The following ARMC5 variants were observed in gnomAD, a reference collection of about 807,000 sequenced individuals.
ARMC5 encodes the protein armadillo repeat containing 5, also known as armadillo repeat-containing protein 5.
In ARMC5, 28 loss-of-function variants were observed where a neutral mutation model predicts 60.5. The observed-to-expected ratio is 0.46, with a 90% CI of 0.34 to 0.63. The LOEUF (loss-of-function observed/expected upper bound fraction) is 0.63, where lower values mean the gene tolerates loss of function less well. Ranked by LOEUF, ARMC5 falls within the 30% of genes least tolerant of loss-of-function variation. The pLI, the probability that ARMC5 is intolerant of heterozygous loss-of-function variation, is 0.01. For synonymous variants in ARMC5, 680 were observed against 607.3 expected, an observed-to-expected ratio of 1.12 and a Z score of -1.76; for missense variants, 1,189 against 1,304.9, an observed-to-expected ratio of 0.91 and a Z score of 1.37.
Position 31,462,700 on chromosome 16 carries a change from G to A in ARMC5, c.1153G>A (p.Ala385Thr), listed in dbSNP as rs767757331. Residue 385 changes from alanine (A) to threonine (T), a missense_variant, in exon 3 of 6, where the codon GCA (alanine) becomes ACA (threonine). By Grantham distance (58) the Ala-to-Thr change is moderately conservative. Transcript: ENST00000268314. The surrounding 1 kb of genome is among the most constrained non-coding windows in gnomAD (Gnocchi z 7.2). Reference protein sequence around the residue: ...MGLLRDPRASAWHPRIVAALV... With the variant: ...MGLLRDPRASTWHPRIVAALV... ...CCTGCTGCGGGACCCTCGTGCAAGCGCATGGCACCCTCGTATTGTGGCTGC... is the reference window on the plus strand; with the variant it reads ...CCTGCTGCGGGACCCTCGTGCAAGCACATGGCACCCTCGTATTGTGGCTGC... 1.7e-5 allele frequency: 27 copies of A among 1,613,570 alleles called. No individual in the cohort carries two copies. Among genetic ancestry groups the A allele is most frequent in the South Asian group, 1.2e-4 (11 of 91,080 alleles).
At chr16:31,461,011 T>C (rs2082299419) in intron 1 of ARMC5, among the ~76,000 whole-genome samples, 1 of 152,294 alleles carries the variant, frequency 6.6e-6, no homozygotes, top group African/African-American at 2.4e-5. Context: ...ATCTGGACCA[T>C]ATATGTTTGA....
At chr16:31,458,432 C>T (rs554973761), upstream of ARMC5, 3 of 1,535,748 alleles carry the variant, frequency 2.0e-6, no homozygotes, top group East Asian at 2.4e-5. Context: ...GGCTTTTCAC[C>T]GGTGTGTACC....
At chr16:31,465,492 C>T (rs932851107) in intron 4 of ARMC5, 6 of 848,818 alleles carry the variant, frequency 7.1e-6, no homozygotes, top group South Asian at 2.7e-5. Context: ...AGAGTAATTA[C>T]TACAAACTAA....
At position 31,464,495 on chromosome 16, in the gene ARMC5, C is replaced by G. The variant is rs1290129921; in HGVS notation, c.1472C>G (p.Pro491Arg). 6.2e-7 allele frequency: 1 copy of G among 1,608,052 alleles called. No homozygotes were observed. Among genetic ancestry groups the G allele is most frequent in the East Asian group, 2.2e-5 (1 of 44,694 alleles). The change falls in exon 4 of 6, where the codon CCC becomes CGC. Residue 491 changes from proline (P) to arginine (R), a missense_variant. By Grantham distance (103) the Pro-to-Arg change is moderately radical. Coordinates refer to ENST00000268314, the MANE Select transcript of ARMC5 (RefSeq NM_001105247.2). This position sits in a 1 kb window ranked among gnomAD's most constrained non-coding sequence, Gnocchi z 7.6. ...CPPEPMEPAS[P>R]APTPTSLRAP... is the part of the protein sequence containing the mutation. ...CCGGAGCCCATGGAGCCGGCCAGCC[C>G]CGCCCCGACCCCGACCTCGCTGCGG...
upstream of ARMC5, chr16:31,458,726 G>A (rs1204928492): frequency 9.5e-6 from 14 of 1,470,006 alleles, 1 homozygote; most frequent in South Asian, 1.2e-4. Context: ...TCGCAATCCA[G>A]GGGTGACCTG....
upstream of ARMC5, chr16:31,458,831 G>A (rs982928693): frequency 3.9e-6 from 6 of 1,533,534 alleles, no homozygotes; most frequent in Non-Finnish European, 5.2e-6. Flanking sequence ...TGCGCTGCGA[G>A]TGAAGAACTC....
chr16:31,465,763 C>A, intron 4 of ARMC5, 87 bp from the exon 5 acceptor site: 1 of 1,579,270 alleles, frequency 6.3e-7, no homozygotes, highest in South Asian at 1.1e-5. Flanking sequence ...TTTCACCCTC[C>A]TTCATCTCAC....
At position 31,462,187 on chromosome 16, in the gene ARMC5, C is replaced by T; in HGVS notation, c.640C>T (p.Gln214Ter). ...AGCCTGCCAGGACTCGCAGTGCCTACAGAGCGTGGTGCGTGCCCTCCGTAA... is the reference window on the plus strand; with the variant it reads ...AGCCTGCCAGGACTCGCAGTGCCTATAGAGCGTGGTGCGTGCCCTCCGTAA... The part of the protein sequence containing the change: ...LTACQDSQCL[Q>*]SVVRALRNLA... Residue 214 changes from glutamine to a stop codon, truncating the protein, a stop_gained, in exon 3 of 6, where the codon CAG (glutamine) becomes TAG (stop). Coordinates refer to ENST00000268314, the MANE Select transcript of ARMC5 (RefSeq NM_001105247.2). LOFTEE classifies it high-confidence loss of function. This position sits in a 1 kb window ranked among gnomAD's most constrained non-coding sequence, Gnocchi z 7.2. The T allele has an allele frequency of 1.2e-6, 2 of 1,612,504 alleles. No individual in the cohort carries two copies. Among genetic ancestry groups the T allele is most frequent in the Non-Finnish European group, 1.7e-6 (2 of 1,180,022 alleles).
At position 31,464,905 on chromosome 16, in the gene ARMC5, C is replaced by G. The variant is rs370666948; in HGVS notation, c.1864+18C>G. 2 of 1,608,736 alleles carry G rather than the reference C, an allele frequency of 1.2e-6. No individual in the cohort carries two copies. The highest frequency in any genetic ancestry group is 2.7e-5 in the African/African-American group (2 of 74,908). ...AGAGCTGGGTGAGTTCCCATACCCA[C>G]CCGTCTCCTTGCCCCCATGTGAGTC... On this transcript the variant is annotated intron_variant, in intron 4 of 5. Transcript: ENST00000268314. This position sits in a 1 kb window ranked among gnomAD's most constrained non-coding sequence, Gnocchi z 7.6.
chr16:31,463,589 T>G (rs955583230), intron 3 of ARMC5, among the ~76,000 whole-genome samples: 1 of 152,110 alleles, frequency 6.6e-6, no homozygotes. Flanking sequence ...TTTTAAACAT[T>G]AGCGTTGGGG....
In ARMC5 at chr16:31,462,347, G is replaced by A. The variant is rs779198447; in HGVS notation, c.800G>A (p.Arg267Gln). 5.1e-5 allele frequency: 82 copies of A among 1,610,568 alleles called. No homozygotes were observed. The highest frequency in any genetic ancestry group is 2.2e-5 in the South Asian group (2 of 91,016). The change falls in exon 3 of 6, where the codon CGA becomes CAA. Residue 267 changes from arginine to glutamine, a missense_variant. Arg to Gln is a conservative substitution (Grantham distance 43). Transcript: ENST00000268314. This position sits in a 1 kb window ranked among gnomAD's most constrained non-coding sequence, Gnocchi z 7.2. ...GTCCGTGCCCTCCTGGAACTCAGCC[G>A]AGGCTGCTCCCGGGCCTGTGCTGAG... The part of the protein sequence containing the change: ...ALVRALLELS[R>Q]GCSRACAEQL...
intron 1 of ARMC5, 37 bp from the exon 2 acceptor site, chr16:31,461,885 G>C: frequency 1.9e-6 from 3 of 1,572,676 alleles, no homozygotes; most frequent in Non-Finnish European, 1.8e-6. Flanking sequence ...GAGACAGTAA[G>C]GGGTAGAACC....
rs1300772830 is a variant in ARMC5, at chr16:31,464,293, A to G, written c.1371-101A>G. On this transcript the variant is annotated intron_variant, in intron 3 of 5. Coordinates refer to ENST00000268314, the MANE Select transcript of ARMC5 (RefSeq NM_001105247.2). This position sits in a 1 kb window ranked among gnomAD's most constrained non-coding sequence, Gnocchi z 7.6. ...CTATAGAGGGATACCACATTTCTTT[A>G]AAAAAAAAAAAAAAAAAAAAAAAGA... 5 of 113,234 alleles carry G rather than the reference A, an allele frequency of 4.4e-5. No homozygotes were observed. The highest frequency in any genetic ancestry group is 3.1e-4 in the South Asian group (1 of 3,182). 7.0% of individuals were successfully genotyped at this position (113,234 alleles called of 1,614,324 possible). A position where few individuals can be genotyped will look rare whatever the true frequency, so the allele number is the denominator to read the frequency against.
In ARMC5 at chr16:31,465,114, C is replaced by A. The variant is rs967154363; in HGVS notation, c.1864+227C>A. On this transcript the variant is annotated intron_variant, in intron 4 of 5. Transcript: ENST00000268314. ...CTGCCCTAGCCCTGGGACCCAGATA[C>A]CCTAACTCTAGATGCAGCCCCGCGC... 2.5e-6 allele frequency: 4 copies of A among 1,613,916 alleles called. No homozygotes were observed. The African/African-American group carries it at 4.0e-5, about 16-fold the overall frequency.
rs948597187 is a variant in ARMC5, at chr16:31,462,255, G to A, written c.708G>A (p.Gln236=). 4 of 1,609,804 alleles carry A rather than the reference G, an allele frequency of 2.5e-6. No individual in the cohort carries two copies. The highest frequency in any genetic ancestry group is 3.4e-6 in the Non-Finnish European group (4 of 1,180,008). ...SPQHRLALAQ[Q]GAVRPLAELL... Reference sequence around the variant, plus strand: ...AGCACCGCCTGGCCTTGGCACAGCAGGGAGCAGTGCGTCCGCTGGCCGAGC... The same window carrying A: ...AGCACCGCCTGGCCTTGGCACAGCAAGGAGCAGTGCGTCCGCTGGCCGAGC... The change falls in exon 3 of 6, where the codon CAG becomes CAA. Residue 236 remains glutamine (Q), a synonymous_variant. Coordinates refer to ENST00000268314, the MANE Select transcript of ARMC5 (RefSeq NM_001105247.2). This position sits in a 1 kb window ranked among gnomAD's most constrained non-coding sequence, Gnocchi z 7.2.
At chr16:31,458,623 A>G, upstream of ARMC5, 1 of 1,444,246 alleles carries the variant, frequency 6.9e-7, no homozygotes, top group Non-Finnish European at 9.3e-7. Flanking sequence ...CTCTTGGCAA[A>G]GGCTTCTTCC....
In ARMC5 at chr16:31,465,974, C is replaced by T. The variant is rs2142578587; in HGVS notation, c.1989C>T (p.Phe663=). ...TGGCCTGCGCGCTGACCCTGCCCTTCATCTGCCGGTGAGTGGGAAGTGGGT... is the reference window on the plus strand; with the variant it reads ...TGGCCTGCGCGCTGACCCTGCCCTTTATCTGCCGGTGAGTGGGAAGTGGGT... ...DRVACALTLP[F]ICRKPSLWRR... is the part of the protein sequence containing the mutation. The change falls in exon 5 of 6, where the codon TTC becomes TTT. Residue 663 remains phenylalanine, a synonymous_variant. Transcript: ENST00000268314. 1.9e-6 allele frequency: 3 copies of T among 1,603,020 alleles called. No homozygotes were observed. Among genetic ancestry groups the T allele is most frequent in the African/African-American group, 1.3e-5 (1 of 74,960 alleles).
upstream of ARMC5, chr16:31,458,416 G>C (rs575453567): frequency 7.7e-5 from 118 of 1,535,748 alleles, 1 homozygote; most frequent in East Asian, 2.5e-3. Context: ...CTCGGGGCAG[G>C]AGTACGGCTT....
Position 31,464,265 on chromosome 16 carries a change from G to C in ARMC5, c.1371-129G>C, listed in dbSNP as rs1221711951. 1 of 781,674 alleles carries C rather than the reference G, an allele frequency of 1.3e-6. No individual in the cohort carries two copies. The highest frequency in any genetic ancestry group is 1.8e-6 in the Non-Finnish European group (1 of 541,402). 48.4% of individuals were successfully genotyped at this position (781,674 alleles called of 1,614,324 possible). A position where few individuals can be genotyped will look rare whatever the true frequency, so the allele number is the denominator to read the frequency against. ...GGATCCCACAACTGCATTCCAGCCTGGGCTATAGAGGGATACCACATTTCT... is the reference window on the plus strand; with the variant it reads ...GGATCCCACAACTGCATTCCAGCCTCGGCTATAGAGGGATACCACATTTCT... On this transcript the variant is annotated intron_variant, in intron 3 of 5. Coordinates refer to ENST00000268314, the MANE Select transcript of ARMC5 (RefSeq NM_001105247.2). This position sits in a 1 kb window ranked among gnomAD's most constrained non-coding sequence, Gnocchi z 7.6.
Sources: allele counts gnomAD v4.1 joint callset (sites outside exome capture counted in the v4.1 genomes callset), GRCh38; gene constraint gnomAD v4.1.1; non-coding constraint Gnocchi (gnomAD v3.1); transcripts MANE v1.5; gene names NCBI Gene and HGNC (gene_info 2026-07-23, HGNC 2026-07-21).